Variants in DLG2 observed in about 807,000 individuals in gnomAD.
The protein encoded by DLG2 is discs large MAGUK scaffold protein 2.
A neutral mutation model predicts 132.5 loss-of-function variants in DLG2; 45 were observed. The ratio of observed to expected loss-of-function variants is 0.34; its 90% CI spans 0.27 to 0.44. DLG2 has a LOEUF of 0.44. DLG2 is among the 20% of genes least tolerant of loss of function. DLG2 has a pLI of 1.00. For synonymous variants in DLG2, 424 were observed against 419.6 expected (o/e 1.01, Z -0.13); for missense variants, 1,045 against 1,196.9 (o/e 0.87, Z 1.87).
At chr11:84,444,009 G>GTT (rs536166140) in intron 7 of DLG2, among the ~76,000 whole-genome samples, 116 of 143,252 alleles carry the variant, frequency 8.1e-4, no homozygotes, top group Middle Eastern at 3.5e-3. Flanking sequence ...AGTCTCCAAA[G>GTT]TTTTTTTTTT....
chr11:84,846,158 T>C, intron 6 of DLG2, among the ~76,000 whole-genome samples: 1 of 152,106 alleles, frequency 6.6e-6, no homozygotes, highest in East Asian at 1.9e-4. Flanking sequence ...CATATTCTTA[T>C]GAGGATGAAA....
intron 7 of DLG2, among the ~76,000 whole-genome samples, chr11:84,407,978 A>G (rs2098866093): frequency 6.6e-6 from 1 of 152,198 alleles, no homozygotes; most frequent in Non-Finnish European, 1.5e-5. Context: ...GCACCTTTAC[A>G]AGTTAAACAG....
Position 84,804,005 on chromosome 11 carries a change from C to A in DLG2, c.358-269274G>T, listed in dbSNP as rs561806294. ...TGTGAGAATTAAATGACATGATATACTCAAACTACTTTTAAAAATGCATTT... is the reference window on the plus strand; with the variant it reads ...TGTGAGAATTAAATGACATGATATAATCAAACTACTTTTAAAAATGCATTT... On this transcript the variant is annotated intron_variant, in intron 6 of 27. Transcript: ENST00000376104. Among the ~76,000 whole-genome samples the A allele has an allele frequency of 2.0e-5, 3 of 152,274 alleles. No individual in the cohort carries two copies. The South Asian group carries it at 6.2e-4, about 32-fold the overall frequency.
intron 9 of DLG2, among the ~76,000 whole-genome samples, chr11:84,129,982 A>G (rs1379528626): frequency 6.6e-6 from 1 of 152,098 alleles, no homozygotes; most frequent in Non-Finnish European, 1.5e-5. Flanking sequence ...AGTACTAAAG[A>G]AAGTACAAAC....
At chr11:85,103,138 G>T (rs1176815760) in intron 6 of DLG2, among the ~76,000 whole-genome samples, 1 of 151,840 alleles carries the variant, frequency 6.6e-6, no homozygotes, top group African/African-American at 2.4e-5. Context: ...TAAATGGAAG[G>T]ACATTCATGG....
At chr11:85,247,743 G>A (rs2152689544) in intron 4 of DLG2, among the ~76,000 whole-genome samples, 1 of 152,078 alleles carries the variant, frequency 6.6e-6, no homozygotes, top group South Asian at 2.1e-4. Flanking sequence ...CTTCAACAAA[G>A]AGACTGAAGG....
At chr11:85,032,233 G>T (rs1268713554) in intron 6 of DLG2, among the ~76,000 whole-genome samples, 1 of 152,012 alleles carries the variant, frequency 6.6e-6, no homozygotes, top group African/African-American at 2.4e-5. Flanking sequence ...TTGTACAGAA[G>T]AATCTTTCAA....
Position 85,144,603 on chromosome 11 carries a change from G to A in DLG2, c.282+9953C>T, listed in dbSNP as rs116583175. Reference sequence around the variant, plus strand: ...GTATCTGTTGTGGGTTTTTTGATCCGAGGTTACCATGAAGCTTGCAAATAA... The same window carrying A: ...GTATCTGTTGTGGGTTTTTTGATCCAAGGTTACCATGAAGCTTGCAAATAA... On this transcript the variant is annotated intron_variant, in intron 5 of 27. Transcript: ENST00000376104. 2.9e-3 allele frequency among the ~76,000 whole-genome samples: 431 copies of A among 150,886 alleles called. 1 individual carries two copies. The highest frequency in any genetic ancestry group is 7.0e-3 in the African/African-American group (290 of 41,230).
chr11:85,152,454 G>T (rs150032520), intron 5 of DLG2, among the ~76,000 whole-genome samples: 7,934 of 152,112 alleles, frequency 0.052, 309 homozygotes, highest in African/African-American at 0.099. Context: ...GGCCAGGCTG[G>T]TCTCAAACTC....
At chr11:83,770,092 T>C (rs17151278) in intron 18 of DLG2, among the ~76,000 whole-genome samples, 36,140 of 116,426 alleles carry the variant, frequency 0.31, 6,159 homozygotes, top group African/African-American at 0.55. Flanking sequence ...TGATTCCAAC[T>C]AAATTATCAC....
chr11:84,923,323 T>C (rs753887467), intron 6 of DLG2: 97 of 1,361,228 alleles, frequency 7.1e-5, no homozygotes, highest in Admixed American at 1.5e-4. Flanking sequence ...ATTGGCTATA[T>C]ATAGCATTAT....
chr11:83,916,478 G>A (rs934952655), intron 15 of DLG2, among the ~76,000 whole-genome samples: 16 of 151,854 alleles, frequency 1.1e-4, no homozygotes, highest in African/African-American at 3.6e-4. Context: ...AGTATGCCTG[G>A]CTAATTTTTG....
At chr11:84,042,004 T>G (rs2154107485) in intron 11 of DLG2, among the ~76,000 whole-genome samples, 1 of 152,058 alleles carries the variant, frequency 6.6e-6, no homozygotes. Flanking sequence ...CCACCATGAT[T>G]GTGAGGCCTC....
intron 18 of DLG2, among the ~76,000 whole-genome samples, chr11:83,690,361 T>C (rs1233465397): frequency 6.6e-6 from 1 of 151,610 alleles, no homozygotes; most frequent in Non-Finnish European, 1.5e-5. Flanking sequence ...TGTGGCCTAC[T>C]AGTGCCACTA....
At chr11:85,337,994 C>T (rs1019171702) in intron 3 of DLG2, among the ~76,000 whole-genome samples, 2 of 152,016 alleles carry the variant, frequency 1.3e-5, no homozygotes, top group African/African-American at 4.8e-5. Context: ...GAAGATAGTG[C>T]TAATATAAAA....
chr11:84,481,911 C>T (rs1489327984), intron 7 of DLG2, among the ~76,000 whole-genome samples: 1 of 152,162 alleles, frequency 6.6e-6, no homozygotes, highest in Non-Finnish European at 1.5e-5. Context: ...ACAGGGACTT[C>T]AACAAACTCA....
At chr11:84,425,274 T>C (rs2098962749) in intron 7 of DLG2, among the ~76,000 whole-genome samples, 2 of 152,128 alleles carry the variant, frequency 1.3e-5, no homozygotes, top group South Asian at 4.1e-4. Context: ...AGAGAAGATA[T>C]GACTTTCAAA....
At chr11:85,345,156 C>T (rs1047425805) in intron 3 of DLG2, among the ~76,000 whole-genome samples, 2 of 152,060 alleles carry the variant, frequency 1.3e-5, no homozygotes, top group South Asian at 2.1e-4. Flanking sequence ...ATTATGCACA[C>T]GGTCTCTTCA....
chr11:85,216,656 A>C (rs2082617696), intron 4 of DLG2, among the ~76,000 whole-genome samples: 1 of 152,104 alleles, frequency 6.6e-6, no homozygotes, highest in African/African-American at 2.4e-5. Flanking sequence ...ACAGAATCTT[A>C]GGGTCGGTCA....
Sources: gnomAD v4.1 joint callset for allele counts (sites outside exome capture counted in the v4.1 genomes callset) on GRCh38, gnomAD v4.1.1 for gene constraint, MANE v1.5 for transcripts, NCBI Gene and HGNC (gene_info 2026-07-23, HGNC 2026-07-21) for gene names.